Variants in NRBP2 observed in about 807,000 individuals in gnomAD.
The protein encoded by NRBP2 is nuclear receptor binding protein 2.
In NRBP2, 47 loss-of-function variants were observed where a neutral mutation model predicts 74.4. That is an observed-to-expected ratio of 0.63 (90% confidence interval 0.50 to 0.81). The LOEUF is 0.81. Ranked by LOEUF, NRBP2 falls within the 30% of genes least tolerant of loss-of-function variation. NRBP2 has a pLI of 0.00. For synonymous variants in NRBP2, 312 were observed against 273.8 expected, an observed-to-expected ratio of 1.14 and a Z score of -1.38; for missense variants, 613 against 690.1, an observed-to-expected ratio of 0.89 and a Z score of 1.25.
In NRBP2 at chr8:143,834,509, C is replaced by G. The variant is rs1339516632; in HGVS notation, c.*1153G>C. ...TCCAGTGAGACCCATAGTCAGACTTCCAGCCTACAGAATTGCAATAAATTT... is the reference window on the plus strand; with the variant it reads ...TCCAGTGAGACCCATAGTCAGACTTGCAGCCTACAGAATTGCAATAAATTT... On this transcript the variant is annotated 3_prime_UTR_variant, in exon 18 of 18. Transcript: ENST00000442628. 1 of 152,214 alleles carries G rather than the reference C, an allele frequency of 6.6e-6. No homozygotes were observed. Among genetic ancestry groups the G allele is most frequent in the Admixed American group, 6.5e-5 (1 of 15,288 alleles). 9.4% of individuals were successfully genotyped at this position (152,214 alleles called of 1,614,324 possible).
rs782029693 is a variant in NRBP2 at position 143,837,285 on chromosome 8, G to C, written c.1091C>G (p.Ser364Cys). 18 of 1,611,444 alleles carry C rather than the reference G, an allele frequency of 1.1e-5. No homozygotes were observed. The highest frequency in any genetic ancestry group is 1.5e-5 in the Non-Finnish European group (18 of 1,179,026). ...CAGGAATTTGTCCAGCTCCATGAAG[G>C]AGACTTCCGAGTACCTGGCATGGAA... ...PPLQWRYSEV[S>C]FMELDKFLED... The change falls in exon 13 of 18, where the codon TCC (serine) becomes TGC (cysteine). Residue 364 changes from serine (S) to cysteine (C), a missense_variant. Physicochemically the swap from Ser to Cys is moderately radical, Grantham distance 112 (BLOSUM62 -1). Coordinates refer to ENST00000442628, the MANE Select transcript of NRBP2 (RefSeq NM_178564.4). The surrounding 1 kb of genome is among the most constrained non-coding windows in gnomAD (Gnocchi z 4.3).
Position 143,835,493 on chromosome 8 carries a change from G to A in NRBP2, c.*169C>T, listed in dbSNP as rs781974136. 32 of 658,670 alleles carry A rather than the reference G, an allele frequency of 4.9e-5. No homozygotes were observed. The highest frequency in any genetic ancestry group is 2.8e-4 in the South Asian group (17 of 59,870). 40.8% of individuals were successfully genotyped at this position (658,670 alleles called of 1,614,324 possible). A position where few individuals can be genotyped will look rare whatever the true frequency, so the allele number is the denominator to read the frequency against. ...CACACCCACCCCCCAACCCCTCGGCGCCCAAGGCAGGGTCAGCCCCACTCT... is the reference window on the plus strand; with the variant it reads ...CACACCCACCCCCCAACCCCTCGGCACCCAAGGCAGGGTCAGCCCCACTCT... On this transcript the variant is annotated 3_prime_UTR_variant, in exon 18 of 18. Transcript: ENST00000442628. This position sits in a 1 kb window ranked among gnomAD's most constrained non-coding sequence, Gnocchi z 4.9.
chr8:143,839,514 C>T lies in NRBP2; in HGVS notation c.480G>A (p.Ala160=), dbSNP rs1369993129. The change falls in exon 5 of 18, where the codon GCG becomes GCA. Residue 160 remains alanine (A), a synonymous_variant. Transcript: ENST00000442628. The surrounding 1 kb of genome is among the most constrained non-coding windows in gnomAD (Gnocchi z 5.1). ...WKRWCTQILS[A]LSFLHACSPP... is the part of the protein sequence containing the mutation. ...AGGCCAGCCCAGGCCCTCACCTGAGCGCAGACAGGATCTGCGTGCACCAGC... is the reference window on the plus strand; with the variant it reads ...AGGCCAGCCCAGGCCCTCACCTGAGTGCAGACAGGATCTGCGTGCACCAGC... 1.5e-4 allele frequency: 233 copies of T among 1,533,016 alleles called. 1 individual carries two copies. Among genetic ancestry groups the T allele is most frequent in the Non-Finnish European group, 1.8e-4 (207 of 1,146,108 alleles). 95.0% of individuals were successfully genotyped at this position (1,533,016 alleles called of 1,614,324 possible). A position where few individuals can be genotyped will look rare whatever the true frequency, so the allele number is the denominator to read the frequency against.
Position 143,835,005 on chromosome 8 carries a change from C to G in NRBP2, c.*657G>C, listed in dbSNP as rs988292054. On this transcript the variant is annotated 3_prime_UTR_variant, in exon 18 of 18. Coordinates refer to ENST00000442628, the MANE Select transcript of NRBP2 (RefSeq NM_178564.4). This position sits in a 1 kb window ranked among gnomAD's most constrained non-coding sequence, Gnocchi z 4.9. ...CCAGAGGAGATCTGCAGAGGGGCTG[C>G]AAGTTCTGGTCTCAGGGTGGGTAAA... The G allele has an allele frequency of 6.5e-6, 1 of 152,770 alleles. No homozygotes were observed. Among genetic ancestry groups the G allele is most frequent in the Non-Finnish European group, 1.5e-5 (1 of 68,482 alleles). 9.5% of individuals were successfully genotyped at this position (152,770 alleles called of 1,614,324 possible). A position where few individuals can be genotyped will look rare whatever the true frequency, so the allele number is the denominator to read the frequency against.
At position 143,836,043 on chromosome 8, in the gene NRBP2, C is replaced by T. The variant is rs374590483; in HGVS notation, c.1318-13G>A. ...GAAGCAGAGTGAGCTGGGGAGGCGGCGGGGCGTGGTCGGCTGGGGGTTCAG... is the reference window on the plus strand; with the variant it reads ...GAAGCAGAGTGAGCTGGGGAGGCGGTGGGGCGTGGTCGGCTGGGGGTTCAG... On this transcript the variant is annotated splice_polypyrimidine_tract_variant and intron_variant, in intron 15 of 17. Coordinates refer to ENST00000442628, the MANE Select transcript of NRBP2 (RefSeq NM_178564.4). 1.6e-4 allele frequency: 247 copies of T among 1,562,002 alleles called. No homozygotes were observed. Among genetic ancestry groups the T allele is most frequent in the African/African-American group, 6.9e-4 (50 of 72,600 alleles).
Position 143,839,109 on chromosome 8 carries a change from G to A in NRBP2, c.605-9C>T, listed in dbSNP as rs1245301117. The A allele has an allele frequency of 6.6e-7, 1 of 1,519,856 alleles. No individual in the cohort carries two copies. The highest frequency in any genetic ancestry group is 1.2e-5 in the South Asian group (1 of 81,518). 94.1% of individuals were successfully genotyped at this position (1,519,856 alleles called of 1,614,324 possible). On this transcript the variant is annotated splice_polypyrimidine_tract_variant and intron_variant, in intron 7 of 17. Transcript: ENST00000442628. This position sits in a 1 kb window ranked among gnomAD's most constrained non-coding sequence, Gnocchi z 5.1. The stretch of plus-strand genomic sequence containing the variant: ...GAGATCATCTGGAAGTGCTGTGGGA[G>A]GGCGCAGAGCTGAGCGGGCGGGGAC...
rs953863045 is a variant in NRBP2 at position 143,835,488 on chromosome 8, T to G, written c.*174A>C. On this transcript the variant is annotated 3_prime_UTR_variant, in exon 18 of 18. Transcript: ENST00000442628. The surrounding 1 kb of genome is among the most constrained non-coding windows in gnomAD (Gnocchi z 4.9). The stretch of plus-strand genomic sequence containing the variant: ...TCCCCCACACCCACCCCCCAACCCC[T>G]CGGCGCCCAAGGCAGGGTCAGCCCC... The G allele has an allele frequency of 8.5e-5, 36 of 422,996 alleles. No individual in the cohort carries two copies. The highest frequency in any genetic ancestry group is 2.0e-4 in the East Asian group (3 of 14,792). 26.2% of individuals were successfully genotyped at this position (422,996 alleles called of 1,614,324 possible).
rs1554650928 is a variant in NRBP2, at chr8:143,834,384, C to T, written c.*1278G>A. ...GAAAGTGGGGACCTTGGCCCTGCCA[C>T]CGAAAGGATGTGGATTCTGCCAGCA... On this transcript the variant is annotated 3_prime_UTR_variant, in exon 18 of 18. Coordinates refer to ENST00000442628, the MANE Select transcript of NRBP2 (RefSeq NM_178564.4). 1 of 152,226 alleles carries T rather than the reference C, an allele frequency of 6.6e-6. No homozygotes were observed. The highest frequency in any genetic ancestry group is 1.5e-5 in the Non-Finnish European group (1 of 68,042). The allele number at this position is 152,226 out of a possible 1,614,324, so 9.4% of individuals were successfully genotyped here.
In NRBP2 at chr8:143,840,101, T is replaced by C. The variant is rs1818628873; in HGVS notation, c.252+6A>G. On this transcript the variant is annotated splice_donor_region_variant and intron_variant, in intron 2 of 17. Coordinates refer to ENST00000442628, the MANE Select transcript of NRBP2 (RefSeq NM_178564.4). This position sits in a 1 kb window ranked among gnomAD's most constrained non-coding sequence, Gnocchi z 5.7. ...AAGCAGGATGAGGAGGGGGCAGCGG[T>C]CTCACCTCGTGCGCCGCGAAGGCCT... 1 of 1,535,928 alleles carries C rather than the reference T, an allele frequency of 6.5e-7. No individual in the cohort carries two copies. The highest frequency in any genetic ancestry group is 1.4e-5 in the African/African-American group (1 of 72,994).
At chr8:143,832,863 C>G (rs1291368518), downstream of NRBP2, among the ~76,000 whole-genome samples, 1 of 152,214 alleles carries the variant, frequency 6.6e-6, no homozygotes, top group Non-Finnish European at 1.5e-5. Context: ...ATTTCTTTCT[C>G]TATACTTTTG....
rs782032422 is a variant in NRBP2 at position 143,837,363 on chromosome 8, G to A, written c.1076+44C>T. The stretch of plus-strand genomic sequence containing the variant: ...GGCGAGGGGAGGGGAGGTGCGGGGA[G>A]GGGAGGTGTGGGGAGGGGAGGCTTC... On this transcript the variant is annotated intron_variant, in intron 12 of 17. Coordinates refer to ENST00000442628, the MANE Select transcript of NRBP2 (RefSeq NM_178564.4). The surrounding 1 kb of genome is among the most constrained non-coding windows in gnomAD (Gnocchi z 4.3). The A allele has an allele frequency of 1.3e-6, 2 of 1,518,412 alleles. No homozygotes were observed. Among genetic ancestry groups the A allele is most frequent in the South Asian group, 2.4e-5 (2 of 85,012 alleles). 94.1% of individuals were successfully genotyped at this position (1,518,412 alleles called of 1,614,324 possible).
chr8:143,835,852 A>G lies in NRBP2; in HGVS notation c.1405T>C (p.Ser469Pro). ...AGGAAGCCATAGTGCACGAGCTCCG[A>G]GGCGAGGTCCTGGGCGCTGTCCGCT... ...LPTDSAQDLASELVHYGFLHE... is the reference protein window; with the variant it reads ...LPTDSAQDLAPELVHYGFLHE... The change falls in exon 17 of 18, where the codon TCG becomes CCG. Residue 469 changes from serine (S) to proline (P), a missense_variant. Around this residue, in one of 2 missense-constraint regions of NRBP2, gnomAD observed 281 missense variants for 260.9 expected, o/e 1.08. Transcript: ENST00000442628. The surrounding 1 kb of genome is among the most constrained non-coding windows in gnomAD (Gnocchi z 4.9). 1.2e-6 allele frequency: 2 copies of G among 1,601,096 alleles called. No homozygotes were observed. The highest frequency in any genetic ancestry group is 1.7e-6 in the Non-Finnish European group (2 of 1,176,790).
downstream of NRBP2, among the ~76,000 whole-genome samples, chr8:143,832,220 A>G (rs1416593841): frequency 1.3e-5 from 2 of 151,820 alleles, no homozygotes; most frequent in Non-Finnish European, 2.9e-5. Flanking sequence ...GCTTGAAGGC[A>G]GCATGCTCCT....
downstream of NRBP2, among the ~76,000 whole-genome samples, chr8:143,830,802 T>A (rs1554650072): frequency 6.6e-6 from 1 of 152,108 alleles, no homozygotes; most frequent in Non-Finnish European, 1.5e-5. Flanking sequence ...AAATGAAAAC[T>A]AAAATGCCAT....
In NRBP2 at chr8:143,838,871, C is replaced by T. The variant is rs947802822; in HGVS notation, c.744+12G>A. On this transcript the variant is annotated intron_variant, in intron 9 of 17. Transcript: ENST00000442628. Reference sequence around the variant, plus strand: ...GGAGGGCAGAGCACAAGGTGGAGGGCGGGGGCAGTACCTCCAGCGCACACA... The same window carrying T: ...GGAGGGCAGAGCACAAGGTGGAGGGTGGGGGCAGTACCTCCAGCGCACACA... 1.1e-5 allele frequency: 17 copies of T among 1,613,020 alleles called. No homozygotes were observed. The highest frequency in any genetic ancestry group is 8.0e-5 in the African/African-American group (6 of 74,924).
rs541170621 is a variant in NRBP2 at position 143,837,515 on chromosome 8, G to A, written c.974-6C>T. On this transcript the variant is annotated splice_polypyrimidine_tract_variant and splice_region_variant and intron_variant, in intron 11 of 17. Transcript: ENST00000442628. The surrounding 1 kb of genome is among the most constrained non-coding windows in gnomAD (Gnocchi z 4.3). The stretch of plus-strand genomic sequence containing the variant: ...CACATTCTCAGGCATGAGGTCTGCG[G>A]CCACAAGAGCATCAAGGCGGTGTGC... 5.8e-5 allele frequency: 93 copies of A among 1,607,228 alleles called. No individual in the cohort carries two copies. The East Asian group carries it at 2.0e-3, about 35-fold the overall frequency.
At chr8:143,829,966 C>T (rs1818078853), downstream of NRBP2, 1 of 152,302 alleles carries the variant, frequency 6.6e-6, no homozygotes, top group Non-Finnish European at 1.5e-5. Flanking sequence ...GGAAAGCTGC[C>T]TGTCCTGGAC....
rs782186211 is a variant in NRBP2 at position 143,835,238 on chromosome 8, T to C, written c.*424A>G. On this transcript the variant is annotated 3_prime_UTR_variant, in exon 18 of 18. Transcript: ENST00000442628. The surrounding 1 kb of genome is among the most constrained non-coding windows in gnomAD (Gnocchi z 4.9). ...TATGGTGCCAGCAGGGGATGGCTGC[T>C]CTCCCAGACCCCATGGAGCAGTTCC... 7 of 212,130 alleles carry C rather than the reference T, an allele frequency of 3.3e-5. No homozygotes were observed. The highest frequency in any genetic ancestry group is 4.8e-5 in the Non-Finnish European group (5 of 105,008). 13.1% of individuals were successfully genotyped at this position (212,130 alleles called of 1,614,324 possible).
chr8:143,835,469 A>T lies in NRBP2; in HGVS notation c.*193T>A, dbSNP rs1554651196. On this transcript the variant is annotated 3_prime_UTR_variant, in exon 18 of 18. Coordinates refer to ENST00000442628, the MANE Select transcript of NRBP2 (RefSeq NM_178564.4). The surrounding 1 kb of genome is among the most constrained non-coding windows in gnomAD (Gnocchi z 4.9). ...ACCTGGGAGGCCTAACGGCTCCCCC[A>T]CACCCACCCCCCAACCCCTCGGCGC... is the stretch of plus-strand genomic sequence containing the variant. 2 of 650,126 alleles carry T rather than the reference A, an allele frequency of 3.1e-6. No individual in the cohort carries two copies. The highest frequency in any genetic ancestry group is 5.0e-5 in the Admixed American group (2 of 39,932). The allele number at this position is 650,126 out of a possible 1,614,324, so 40.3% of individuals were successfully genotyped here. A position where few individuals can be genotyped will look rare whatever the true frequency, so the allele number is the denominator to read the frequency against.
Sources: gnomAD v4.1 joint callset for allele counts (sites outside exome capture counted in the v4.1 genomes callset) on GRCh38, gnomAD v4.1.1 for gene constraint, gnomAD v4.1.1 regional missense constraint, Gnocchi (gnomAD v3.1) non-coding constraint, MANE v1.5 for transcripts, NCBI Gene and HGNC (gene_info 2026-07-23, HGNC 2026-07-21) for gene names.